Variants in GUCY1A2 observed in about 807,000 individuals in gnomAD.
The protein encoded by GUCY1A2 is guanylate cyclase soluble subunit alpha-2.
Under a neutral mutation model 63.5 loss-of-function variants are expected in GUCY1A2, and 27 were observed. That is an observed-to-expected ratio of 0.43 (90% confidence interval 0.31 to 0.59). The LOEUF is 0.59. GUCY1A2 is among the 20% of genes least tolerant of loss of function. The pLI is 0.11. For missense variants in GUCY1A2, 768 were observed against 913.3 expected, an observed-to-expected ratio of 0.84 and a Z score of 2.05; for synonymous variants, 364 against 343.5, an observed-to-expected ratio of 1.06 and a Z score of -0.66.
intron 3 of GUCY1A2, among the ~76,000 whole-genome samples, chr11:106,942,590 C>T (rs7934099): frequency 0.031 from 4,695 of 152,244 alleles, 228 homozygotes; most frequent in African/African-American, 0.11. Flanking sequence ...CTTTGAAGAA[C>T]TGTATTTTCA....
chr11:106,807,157 T>G (rs759273376), intron 5 of GUCY1A2, among the ~76,000 whole-genome samples: 1 of 152,210 alleles, frequency 6.6e-6, no homozygotes, highest in Non-Finnish European at 1.5e-5. Flanking sequence ...ACCCAAATTC[T>G]ATACATACTT....
At chr11:106,992,875 T>A (rs1192650766) in intron 1 of GUCY1A2, among the ~76,000 whole-genome samples, 1 of 152,112 alleles carries the variant, frequency 6.6e-6, no homozygotes, top group Admixed American at 6.6e-5. Flanking sequence ...TTCCCCACCC[T>A]CTGAGCACCC....
At chr11:106,744,315 C>A (rs1009724791) in intron 6 of GUCY1A2, among the ~76,000 whole-genome samples, 2 of 144,602 alleles carry the variant, frequency 1.4e-5, no homozygotes, top group East Asian at 4.2e-4. Flanking sequence ...GGTGCAATCT[C>A]AGCTCACTGC....
At chr11:106,708,058 A>G (rs1862947957) in intron 7 of GUCY1A2, among the ~76,000 whole-genome samples, 1 of 152,010 alleles carries the variant, frequency 6.6e-6, no homozygotes, top group African/African-American at 2.4e-5. Flanking sequence ...TTGTGGTCCC[A>G]AGCATTTTGA....
At chr11:106,690,610 TG>T (rs1473090735) in intron 7 of GUCY1A2, among the ~76,000 whole-genome samples, 1 of 152,162 alleles carries the variant, frequency 6.6e-6, no homozygotes, top group Non-Finnish European at 1.5e-5. Flanking sequence ...TAAAATAATC[TG>T]TACAACGAAC....
In GUCY1A2 at chr11:107,007,423, G is replaced by A. The variant is rs556174703; in HGVS notation, c.303+10330C>T. 9.2e-5 allele frequency among the ~76,000 whole-genome samples: 14 copies of A among 152,212 alleles called. No homozygotes were observed. In the East Asian group the frequency reaches 9.7e-4, roughly 11 times the overall value. ...TCTTTGGATTATTGCAGCTTTCCCC[G>A]TTTGGACATTCACTCATTATTCCTG... On this transcript the variant is annotated intron_variant, in intron 1 of 7. Coordinates refer to ENST00000526355, the MANE Select transcript of GUCY1A2 (RefSeq NM_000855.3).
At chr11:106,857,253 G>A (rs1859449717) in intron 4 of GUCY1A2, among the ~76,000 whole-genome samples, 1 of 152,080 alleles carries the variant, frequency 6.6e-6, no homozygotes, top group Admixed American at 6.6e-5. Flanking sequence ...CCTCTTTCAG[G>A]TTTTAGACTG....
chr11:107,004,847 G>A (rs910810087), intron 1 of GUCY1A2, among the ~76,000 whole-genome samples: 7 of 152,250 alleles, frequency 4.6e-5, no homozygotes, highest in South Asian at 4.1e-4. Flanking sequence ...CTGACATGAG[G>A]AACCGAACAA....
chr11:106,702,986 T>C (rs537101459), intron 7 of GUCY1A2, among the ~76,000 whole-genome samples: 80 of 152,308 alleles, frequency 5.3e-4, no homozygotes, highest in African/African-American at 1.9e-3. Context: ...GTCAGTGGAC[T>C]GGGAAGGGCG....
At chr11:106,949,699 G>A (rs1197078059) in intron 3 of GUCY1A2, among the ~76,000 whole-genome samples, 1 of 152,080 alleles carries the variant, frequency 6.6e-6, no homozygotes, top group Non-Finnish European at 1.5e-5. Context: ...AGAAGAAAAA[G>A]GAAATGTCAA....
chr11:106,840,936 T>C (rs1240151031), intron 4 of GUCY1A2, among the ~76,000 whole-genome samples: 1 of 152,014 alleles, frequency 6.6e-6, no homozygotes, highest in Non-Finnish European at 1.5e-5. Flanking sequence ...AAAGTTTTAG[T>C]TCAAAATGGT....
chr11:107,005,595 G>GT (rs1018590077), intron 1 of GUCY1A2, among the ~76,000 whole-genome samples: 1 of 152,090 alleles, frequency 6.6e-6, no homozygotes, highest in Non-Finnish European at 1.5e-5. Flanking sequence ...AATGTAAAAT[G>GT]TTTTTTCTGA....
chr11:106,979,796 AGAG>A (rs1360710778), intron 2 of GUCY1A2, among the ~76,000 whole-genome samples: 1 of 152,212 alleles, frequency 6.6e-6, no homozygotes, highest in Non-Finnish European at 1.5e-5. Context: ...TCAGGACTTA[AGAG>A]GAGACTAAAC....
At position 106,776,083 on chromosome 11, in the gene GUCY1A2, C is replaced by CT. The variant is rs1042409994; in HGVS notation, c.1836+355dup. Reference sequence around the variant, plus strand: ...GTTGCGCAGGTCCTCCATTTTCTTGCTTTTTTTGTGTTTTACTTCTTGGAT... The same window carrying CT: ...GTTGCGCAGGTCCTCCATTTTCTTGCTTTTTTTTGTGTTTTACTTCTTGGAT... On this transcript the variant is annotated intron_variant, in intron 6 of 7. Transcript: ENST00000526355. Among the ~76,000 whole-genome samples the CT allele has an allele frequency of 3.3e-5, 5 of 152,220 alleles. No individual in the cohort carries two copies. The South Asian group carries it at 1.0e-3, about 32-fold the overall frequency.
At chr11:106,752,583 C>T (rs1170564953) in intron 6 of GUCY1A2, among the ~76,000 whole-genome samples, 2 of 151,894 alleles carry the variant, frequency 1.3e-5, no homozygotes, top group African/African-American at 2.4e-5. Context: ...CATTGTTCAA[C>T]TCCCACTTAT....
chr11:106,998,289 G>C (rs1273665814), intron 1 of GUCY1A2, among the ~76,000 whole-genome samples: 3 of 152,112 alleles, frequency 2.0e-5, no homozygotes, highest in African/African-American at 4.8e-5. Flanking sequence ...GAGAGAGAGA[G>C]GGTGAAAGGA....
At chr11:106,980,196 T>C (rs1351414500) in intron 2 of GUCY1A2, among the ~76,000 whole-genome samples, 1 of 152,186 alleles carries the variant, frequency 6.6e-6, no homozygotes, top group African/African-American at 2.4e-5. Flanking sequence ...AATATGTGAA[T>C]TTCCCATGGG....
At chr11:106,810,946 T>G (rs905600537) in intron 4 of GUCY1A2, among the ~76,000 whole-genome samples, 5 of 152,198 alleles carry the variant, frequency 3.3e-5, no homozygotes, top group South Asian at 4.1e-4. Context: ...ATTGGCCTTA[T>G]GTAAATCATT....
chr11:106,760,857 C>T (rs189876246), intron 6 of GUCY1A2, among the ~76,000 whole-genome samples: 83 of 152,074 alleles, frequency 5.5e-4, no homozygotes, highest in African/African-American at 2.0e-3. Context: ...TAATGAGAGG[C>T]TCTCACAGAA....
Sources: allele counts gnomAD v4.1 joint callset (sites outside exome capture counted in the v4.1 genomes callset), GRCh38; gene constraint gnomAD v4.1.1; transcripts MANE v1.5; gene names NCBI Gene and HGNC (gene_info 2026-07-23, HGNC 2026-07-21).